The following HERC3 variants were observed in gnomAD, a reference collection of about 807,000 sequenced individuals.
HERC3 encodes HECT and RLD domain containing E3 ubiquitin protein ligase 3, also known as probable E3 ubiquitin-protein ligase HERC3.
HERC3 carries 58 observed loss-of-function variants against 129.9 expected under a neutral mutation model. The ratio of observed to expected loss-of-function variants is 0.45; its 90% CI spans 0.36 to 0.56. The LOEUF is 0.56. Ranked by LOEUF, HERC3 falls within the 20% of genes least tolerant of loss-of-function variation. The probability of loss-of-function intolerance (pLI) is 0.00; values close to 1 mark genes in which losing one functional copy is unlikely to be tolerated. For missense variants in HERC3, 835 were observed against 1,244.2 expected (o/e 0.67, Z 4.95); for synonymous variants, 430 against 451.0 (o/e 0.95, Z 0.59).
chr4:88,701,112 C>T (rs1735278424), intron 23 of HERC3, among the ~76,000 whole-genome samples: 2 of 152,138 alleles, frequency 1.3e-5, no homozygotes, highest in African/African-American at 4.8e-5. Flanking sequence ...TGGTGTTTCT[C>T]TTGGGTAATT....
At chr4:88,614,704 T>C (rs944980407) in intron 3 of HERC3, among the ~76,000 whole-genome samples, 1 of 152,204 alleles carries the variant, frequency 6.6e-6, no homozygotes, top group Non-Finnish European at 1.5e-5. Context: ...TGTTCTTTGT[T>C]TTTTTATTTT....
chr4:88,583,526 G>A, the HERC3 span: 1 of 152,014 alleles, frequency 6.6e-6, no homozygotes, highest in Non-Finnish European at 1.5e-5. Flanking sequence ...CTGCTCTGAT[G>A]TAATATCAAA....
chr4:88,628,247 T>C (rs1326919813), intron 3 of HERC3, among the ~76,000 whole-genome samples: 3 of 152,230 alleles, frequency 2.0e-5, no homozygotes, highest in Non-Finnish European at 4.4e-5. Flanking sequence ...CTTACACATT[T>C]AAGGTTGTTC....
At chr4:88,612,393 T>C (rs1320585447) in intron 3 of HERC3, among the ~76,000 whole-genome samples, 1 of 151,838 alleles carries the variant, frequency 6.6e-6, no homozygotes, top group Non-Finnish European at 1.5e-5. Context: ...GCCCCAGATA[T>C]TTTCCCAGTG....
rs1197062895 is a variant in HERC3, at chr4:88,706,753, G to A, written c.2946G>A (p.Leu982=). 2 of 1,613,934 alleles carry A rather than the reference G, an allele frequency of 1.2e-6. No homozygotes were observed. Among genetic ancestry groups the A allele is most frequent in the Admixed American group, 1.7e-5 (1 of 60,012 alleles). Reference sequence around the variant, plus strand: ...AATGCCATTTCTCGTTCTCCCCAGTGTTCCTGACAGGCAGCGATCGGATTC... The same window carrying A: ...AATGCCATTTCTCGTTCTCCCCAGTATTCCTGACAGGCAGCGATCGGATTC... ...FPLEKKKKFL[L]FLTGSDRIPI... is the part of the protein sequence containing the mutation. The change falls in exon 26 of 26, where the codon TTG becomes TTA. Residue 982 remains leucine, a splice_region_variant and synonymous_variant. Transcript: ENST00000402738.
the HERC3 span, among the ~76,000 whole-genome samples, chr4:88,544,886 C>G: frequency 6.6e-6 from 1 of 152,086 alleles, no homozygotes; most frequent in Admixed American, 6.6e-5. Context: ...GAGCATCACA[C>G]ACTGGGGCCT....
chr4:88,544,062 A>T, the HERC3 span, among the ~76,000 whole-genome samples: 3 of 152,292 alleles, frequency 2.0e-5, no homozygotes, highest in East Asian at 1.9e-4. Context: ...AAGCCAAAAT[A>T]GACAAATGGG....
At chr4:88,529,223 C>T in the HERC3 span, among the ~76,000 whole-genome samples, 1 of 152,170 alleles carries the variant, frequency 6.6e-6, no homozygotes, top group Non-Finnish European at 1.5e-5. Context: ...CACCTGTAAT[C>T]CTGCACGAGG....
rs116132448 is a variant in HERC3, at chr4:88,659,536, G to T, written c.1146+1045G>T. Among the ~76,000 whole-genome samples the T allele has an allele frequency of 3.7e-3, 562 of 152,330 alleles. 4 individuals carry two copies. The highest frequency in any genetic ancestry group is 8.9e-3 in the Admixed American group (136 of 15,304). On this transcript the variant is annotated intron_variant, in intron 10 of 25. Transcript: ENST00000402738. ...CCAGGTCAGGTGCCTGAAGAAGGTG[G>T]CTTAGTGCTACCATCTGGCGTGATT...
chr4:88,579,350 T>G, the HERC3 span, among the ~76,000 whole-genome samples: 12 of 151,850 alleles, frequency 7.9e-5, no homozygotes, highest in African/African-American at 2.9e-4. Context: ...GAAGTTGCAG[T>G]GGGCCGAGAT....
intron 25 of HERC3, among the ~76,000 whole-genome samples, chr4:88,704,851 T>TTTTCTTTCTTTCTTTC (rs992882754): frequency 6.8e-6 from 1 of 147,406 alleles, no homozygotes; most frequent in African/African-American, 2.6e-5. Flanking sequence ...CTGATTTTTC[T>TTTTCTTTCTTTCTTTC]TTTCTTTCTT....
chr4:88,557,064 C>T, the HERC3 span, among the ~76,000 whole-genome samples: 3 of 152,178 alleles, frequency 2.0e-5, no homozygotes, highest in African/African-American at 7.2e-5. Context: ...TTTAGATTCA[C>T]TTCATCTGGA....
At chr4:88,563,831 T>C in the HERC3 span, among the ~76,000 whole-genome samples, 1 of 152,078 alleles carries the variant, frequency 6.6e-6, no homozygotes, top group African/African-American at 2.4e-5. Flanking sequence ...GCTAATTTTG[T>C]ATTTTTAGTA....
the HERC3 span, among the ~76,000 whole-genome samples, chr4:88,564,681 A>G: frequency 6.6e-6 from 1 of 152,094 alleles, no homozygotes; most frequent in Non-Finnish European, 1.5e-5. Flanking sequence ...TCAAAAAACC[A>G]AATTGTTGTT....
chr4:88,572,538 T>C, the HERC3 span, among the ~76,000 whole-genome samples: 62 of 152,178 alleles, frequency 4.1e-4, no homozygotes, highest in Non-Finnish European at 6.2e-4. Flanking sequence ...TGGCCGAGTG[T>C]GGTGGCTCAC....
chr4:88,528,953 A>T, the HERC3 span, among the ~76,000 whole-genome samples: 15 of 152,200 alleles, frequency 9.9e-5, no homozygotes, highest in Non-Finnish European at 2.2e-4. Context: ...TAAATATTTT[A>T]AAAATGTAAT....
chr4:88,568,177 A>G, the HERC3 span, among the ~76,000 whole-genome samples: 1 of 152,314 alleles, frequency 6.6e-6, no homozygotes, highest in Admixed American at 6.5e-5. Flanking sequence ...AGCTGAAGTG[A>G]CATAAAACTT....
chr4:88,591,737 T>C (rs763175105), upstream of HERC3, among the ~76,000 whole-genome samples: 14 of 152,128 alleles, frequency 9.2e-5, no homozygotes, highest in Non-Finnish European at 1.5e-4. Context: ...TAGGGAAAAG[T>C]GGAAGAGGAC....
At chr4:88,641,263 G>A (rs568595786) in intron 3 of HERC3, among the ~76,000 whole-genome samples, 1 of 152,128 alleles carries the variant, frequency 6.6e-6, no homozygotes, top group Non-Finnish European at 1.5e-5. Flanking sequence ...TGAACTGAAC[G>A]AAAATGAAAA....
Sources: allele counts gnomAD v4.1 joint callset (sites outside exome capture counted in the v4.1 genomes callset), GRCh38; gene constraint gnomAD v4.1.1; transcripts MANE v1.5; gene names NCBI Gene and HGNC (gene_info 2026-07-23, HGNC 2026-07-21).